Variants in RPS6KC1 observed in about 807,000 individuals in gnomAD.
RPS6KC1 encodes the protein inactive ribosomal protein S6 kinase delta-1.
RPS6KC1 carries 54 observed loss-of-function variants against 103.8 expected under a neutral mutation model. That is an observed-to-expected ratio of 0.52 (90% confidence interval 0.42 to 0.65). The LOEUF is 0.65. Ranked by LOEUF, RPS6KC1 falls within the 30% of genes least tolerant of loss-of-function variation. The pLI is 0.00. For synonymous variants in RPS6KC1, 439 were observed against 438.7 expected (o/e 1.00, Z -0.01); for missense variants, 1,151 against 1,253.8 (o/e 0.92, Z 1.24).
At chr1:213,283,634 A>G in the RPS6KC1 span, among the ~76,000 whole-genome samples, 1 of 152,078 alleles carries the variant, frequency 6.6e-6, no homozygotes, top group East Asian at 1.9e-4. Flanking sequence ...AGAGCTCGAG[A>G]TAGGGGGGAT....
At position 213,242,163 on chromosome 1, in the gene RPS6KC1, C is replaced by T; in HGVS notation, c.2687C>T (p.Ala896Val). 6.2e-7 allele frequency: 1 copy of T among 1,613,870 alleles called. No individual in the cohort carries two copies. The highest frequency in any genetic ancestry group is 8.5e-7 in the Non-Finnish European group (1 of 1,179,882). Reference sequence around the variant, plus strand: ...GACCTTGATAAAAAATTAGCACTAGCCTCCAGGTTTTACATCCCAGAGGGC... The same window carrying T: ...GACCTTGATAAAAAATTAGCACTAGTCTCCAGGTTTTACATCCCAGAGGGC... ...FEDLDKKLAL[A>V]SRFYIPEGCI... The change falls in exon 11 of 15, where the codon GCC (alanine) becomes GTC (valine). Residue 896 changes from alanine to valine, a missense_variant. Physicochemically the swap from Ala to Val is moderately conservative, Grantham distance 64. Around this residue, in one of 3 missense-constraint regions of RPS6KC1, gnomAD observed 189 missense variants for 228.8 expected, o/e 0.83. Transcript: ENST00000366960.
At chr1:213,307,202 T>A in the RPS6KC1 span, among the ~76,000 whole-genome samples, 2 of 151,946 alleles carry the variant, frequency 1.3e-5, no homozygotes, top group Non-Finnish European at 2.9e-5. Context: ...TAGCTGGGAC[T>A]ACAGGTGCCC....
At chr1:213,378,632 A>G in the RPS6KC1 span, among the ~76,000 whole-genome samples, 1 of 152,162 alleles carries the variant, frequency 6.6e-6, no homozygotes, top group Non-Finnish European at 1.5e-5. Flanking sequence ...TATTTAATAA[A>G]TAAATGATGG....
chr1:213,449,822 T>G, the RPS6KC1 span, among the ~76,000 whole-genome samples: 4 of 152,226 alleles, frequency 2.6e-5, no homozygotes. Context: ...GTGGTGACGT[T>G]GCTGGCTTTC....
the RPS6KC1 span, among the ~76,000 whole-genome samples, chr1:213,767,196 C>T: frequency 6.6e-6 from 1 of 152,202 alleles, no homozygotes; most frequent in Non-Finnish European, 1.5e-5. Flanking sequence ...AGAAACAACC[C>T]TGGTCAAAAC....
chr1:213,424,299 C>T, the RPS6KC1 span, among the ~76,000 whole-genome samples: 696 of 152,266 alleles, frequency 4.6e-3, 10 homozygotes, highest in African/African-American at 0.016. Context: ...TTGTTCTTTC[C>T]AAAGGTGGCT....
chr1:213,294,254 T>C, the RPS6KC1 span, among the ~76,000 whole-genome samples: 1 of 152,176 alleles, frequency 6.6e-6, no homozygotes, highest in Non-Finnish European at 1.5e-5. Flanking sequence ...TAGTTTACCA[T>C]CCATTGGATG....
chr1:213,835,763 A>AG, the RPS6KC1 span: 2 of 152,134 alleles, frequency 1.3e-5, no homozygotes, highest in Non-Finnish European at 2.9e-5. Flanking sequence ...TCCTCACTTG[A>AG]GGGGGACTAG....
chr1:213,330,235 T>G, the RPS6KC1 span, among the ~76,000 whole-genome samples: 1 of 152,232 alleles, frequency 6.6e-6, no homozygotes, highest in African/African-American at 2.4e-5. Context: ...TTATTTCCCC[T>G]CATCTCCAAG....
chr1:213,235,798 A>G (rs928067981), intron 10 of RPS6KC1, among the ~76,000 whole-genome samples: 1 of 152,184 alleles, frequency 6.6e-6, no homozygotes, highest in African/African-American at 2.4e-5. Context: ...TTATTGGGGC[A>G]TGCTGAGCAA....
intron 8 of RPS6KC1, among the ~76,000 whole-genome samples, chr1:213,193,847 C>G (rs1284567389): frequency 6.6e-6 from 1 of 151,740 alleles, no homozygotes; most frequent in Non-Finnish European, 1.5e-5. Flanking sequence ...AGGCTAGTCT[C>G]AAACTCCTGG....
the RPS6KC1 span, among the ~76,000 whole-genome samples, chr1:213,620,803 GT>G: frequency 1.3e-5 from 2 of 152,136 alleles, no homozygotes; most frequent in Admixed American, 1.3e-4. Flanking sequence ...AATCCAGCTG[GT>G]TTGACTCCAC....
At chr1:213,168,117 A>G in intron 7 of RPS6KC1, 144 bp downstream of exon 7, 1 of 546,554 alleles carries the variant, frequency 1.8e-6, no homozygotes, top group Non-Finnish European at 3.2e-6. Context: ...GTAGAAAGAA[A>G]TGCATTATAG....
chr1:213,827,855 T>G, the RPS6KC1 span, among the ~76,000 whole-genome samples: 6 of 152,172 alleles, frequency 3.9e-5, no homozygotes, highest in Non-Finnish European at 4.4e-5. Context: ...GTCATTCTTT[T>G]TTAACTTCGG....
At chr1:213,623,976 T>A in the RPS6KC1 span, among the ~76,000 whole-genome samples, 1 of 152,182 alleles carries the variant, frequency 6.6e-6, no homozygotes, top group African/African-American at 2.4e-5. Flanking sequence ...CTAGAAAATA[T>A]TTGCAAGCTA....
the RPS6KC1 span, among the ~76,000 whole-genome samples, chr1:213,751,768 T>C: frequency 2.0e-5 from 3 of 152,206 alleles, no homozygotes; most frequent in Admixed American, 1.3e-4. Context: ...ACATATGAAG[T>C]AGAAATACAA....
chr1:213,603,413 C>G, the RPS6KC1 span, among the ~76,000 whole-genome samples: 3 of 152,220 alleles, frequency 2.0e-5, no homozygotes, highest in African/African-American at 7.2e-5. Context: ...AAGTTAGGAC[C>G]AGGAACCATG....
At chr1:213,315,487 T>G in the RPS6KC1 span, among the ~76,000 whole-genome samples, 1 of 152,270 alleles carries the variant, frequency 6.6e-6, no homozygotes, top group Non-Finnish European at 1.5e-5. Context: ...ACATAGATAT[T>G]AAGGGCTATT....
the RPS6KC1 span, among the ~76,000 whole-genome samples, chr1:213,716,589 A>G: frequency 6.6e-6 from 1 of 152,186 alleles, no homozygotes; most frequent in African/African-American, 2.4e-5. Context: ...AAATATAACA[A>G]AAGATGTAAA....
Sources: gnomAD v4.1 joint callset for allele counts (sites outside exome capture counted in the v4.1 genomes callset) on GRCh38, gnomAD v4.1.1 for gene constraint, gnomAD v4.1.1 regional missense constraint, MANE v1.5 for transcripts, NCBI Gene and HGNC (gene_info 2026-07-23, HGNC 2026-07-21) for gene names.